The following GPR158 variants were observed in gnomAD, a reference collection of about 807,000 sequenced individuals.
GPR158 encodes metabotropic glycine receptor.
Under a neutral mutation model 78.2 loss-of-function variants are expected in GPR158, and 30 were observed. The observed-to-expected ratio is 0.38, with a 90% confidence interval of 0.29 to 0.52. The LOEUF is 0.52. GPR158 is among the 20% of genes least tolerant of loss of function. GPR158 has a pLI of 0.83. For missense variants in GPR158, 1,463 were observed against 1,523.5 expected, an observed-to-expected ratio of 0.96 and a Z score of 0.66; for synonymous variants, 581 against 591.1, an observed-to-expected ratio of 0.98 and a Z score of 0.25.
At chr10:25,556,241 C>T (rs1269847667) in intron 6 of GPR158, among the ~76,000 whole-genome samples, 1 of 152,110 alleles carries the variant, frequency 6.6e-6, no homozygotes, top group Non-Finnish European at 1.5e-5. Context: ...CCAGAAGATT[C>T]CTCTAATAAA....
intron 5 of GPR158, among the ~76,000 whole-genome samples, chr10:25,478,522 G>T (rs1211033766): frequency 6.8e-6 from 1 of 146,422 alleles, no homozygotes; most frequent in African/African-American, 2.6e-5. Flanking sequence ...GTGTGTGTGT[G>T]TGTGTAGAGA....
intron 2 of GPR158, among the ~76,000 whole-genome samples, chr10:25,227,234 A>G (rs1853386069): frequency 1.3e-5 from 2 of 152,186 alleles, no homozygotes; most frequent in African/African-American, 4.8e-5. Flanking sequence ...GCTGTTTTAG[A>G]TGTTCCCAGC....
intron 2 of GPR158, among the ~76,000 whole-genome samples, chr10:25,366,582 TCTA>T (rs1210187846): frequency 6.6e-6 from 1 of 151,672 alleles, no homozygotes; most frequent in Non-Finnish European, 1.5e-5. Flanking sequence ...ACATATAAAA[TCTA>T]CTCTCAGCAA....
chr10:25,594,900 A>G (rs1047360589), intron 9 of GPR158, among the ~76,000 whole-genome samples: 1 of 152,324 alleles, frequency 6.6e-6, no homozygotes, highest in South Asian at 2.1e-4. Flanking sequence ...CTCAGAATAC[A>G]GGGATTCTAG....
chr10:25,391,269 G>A (rs1834294211), intron 2 of GPR158, among the ~76,000 whole-genome samples: 1 of 152,190 alleles, frequency 6.6e-6, no homozygotes, highest in African/African-American at 2.4e-5. Context: ...GCCTAGTGGA[G>A]CTGTGAGAAG....
At chr10:25,319,042 A>AC (rs1249334801) in intron 2 of GPR158, among the ~76,000 whole-genome samples, 1 of 152,170 alleles carries the variant, frequency 6.6e-6, no homozygotes, top group Admixed American at 6.5e-5. Flanking sequence ...AATGTGGAAG[A>AC]CTTTTCTCCT....
At chr10:25,407,815 C>T (rs190677700) in intron 3 of GPR158, among the ~76,000 whole-genome samples, 190 of 152,302 alleles carry the variant, frequency 1.2e-3, no homozygotes, top group African/African-American at 4.2e-3. Flanking sequence ...TAGCTTCTCA[C>T]CACTATCCCT....
chr10:25,561,703 G>A (rs1836862757), intron 6 of GPR158, among the ~76,000 whole-genome samples: 1 of 140,620 alleles, frequency 7.1e-6, no homozygotes, highest in Admixed American at 7.3e-5. Context: ...TAGGGAACAG[G>A]TGTTTATGCT....
chr10:25,370,479 T>G (rs533528858), intron 2 of GPR158, among the ~76,000 whole-genome samples: 15 of 108,946 alleles, frequency 1.4e-4, no homozygotes, highest in African/African-American at 5.6e-4. Context: ...TGAGTGGTTT[T>G]GAGTGAGTTT....
chr10:25,325,491 ACT>A (rs1491424933), intron 2 of GPR158, among the ~76,000 whole-genome samples: 1 of 144,962 alleles, frequency 6.9e-6, no homozygotes, highest in African/African-American at 2.5e-5. Flanking sequence ...ACACACACAC[ACT>A]ACGTTTGCTT....
intron 2 of GPR158, among the ~76,000 whole-genome samples, chr10:25,371,260 G>C (rs1005921187): frequency 1.1e-4 from 17 of 151,638 alleles, no homozygotes; most frequent in African/African-American, 3.6e-4. Flanking sequence ...TTTCTTCCTA[G>C]TCTCGATGGT....
intron 3 of GPR158, among the ~76,000 whole-genome samples, chr10:25,402,986 CCATT>C (rs768789031): frequency 1.6e-4 from 25 of 151,536 alleles, no homozygotes; most frequent in Non-Finnish European, 3.1e-4. Context: ...ATTTTAAAGA[CCATT>C]CAAAGTCTAT....
chr10:25,588,712 A>G (rs921924938), intron 7 of GPR158, among the ~76,000 whole-genome samples: 1 of 152,212 alleles, frequency 6.6e-6, no homozygotes, highest in African/African-American at 2.4e-5. Context: ...ATTAGTTTAC[A>G]GTGGTTTTCA....
At chr10:25,276,898 C>A (rs184190588) in intron 2 of GPR158, among the ~76,000 whole-genome samples, 192 of 151,594 alleles carry the variant, frequency 1.3e-3, no homozygotes, top group African/African-American at 4.5e-3. Flanking sequence ...AAGTTAGATC[C>A]TAGAGACATT....
chr10:25,395,328 G>A (rs1331237011), intron 2 of GPR158, among the ~76,000 whole-genome samples: 3 of 151,770 alleles, frequency 2.0e-5, no homozygotes, highest in Non-Finnish European at 2.9e-5. Context: ...AAACAGCCCT[G>A]GAATAATTAA....
intron 2 of GPR158, among the ~76,000 whole-genome samples, chr10:25,241,416 CTTTTCTTTTCTTTTCTTT>C (rs1564399853): frequency 1.4e-5 from 2 of 138,140 alleles, no homozygotes; most frequent in African/African-American, 5.9e-5. Flanking sequence ...CTTCTCTTTT[CTTTTCTTTTCTTTTCTTT>C]TCTTTCGACA....
intron 5 of GPR158, among the ~76,000 whole-genome samples, chr10:25,540,948 A>G (rs1836572214): frequency 2.3e-4 from 4 of 17,378 alleles, no homozygotes; most frequent in Non-Finnish European, 5.1e-4. Context: ...TAATAAAAAT[A>G]TATATATATA....
At chr10:25,222,380 A>T (rs1853311287) in intron 2 of GPR158, among the ~76,000 whole-genome samples, 1 of 139,306 alleles carries the variant, frequency 7.2e-6, no homozygotes, top group South Asian at 2.3e-4. Context: ...ACATCTCTCC[A>T]CCATATCCTG....
chr10:25,456,430 G>A (rs996214935), intron 4 of GPR158, among the ~76,000 whole-genome samples: 1 of 152,182 alleles, frequency 6.6e-6, no homozygotes, highest in Non-Finnish European at 1.5e-5. Context: ...AGGATAGACA[G>A]TGTGTTAAAG....
Sources: allele counts gnomAD v4.1 joint callset (sites outside exome capture counted in the v4.1 genomes callset), GRCh38; gene constraint gnomAD v4.1.1; transcripts MANE v1.5; gene names NCBI Gene and HGNC (gene_info 2026-07-23, HGNC 2026-07-21).